The following MRPS25 variants were observed in gnomAD, a reference collection of about 807,000 sequenced individuals.
The protein encoded by MRPS25 is small ribosomal subunit protein mS25.
In MRPS25, 15 loss-of-function variants were observed where a neutral mutation model predicts 17.3. That is an observed-to-expected ratio of 0.87 (90% CI 0.58 to 1.34). The LOEUF (loss-of-function observed/expected upper bound fraction) is 1.34. Ranked by LOEUF, MRPS25 falls within the 40% of genes most tolerant of loss-of-function variation. The pLI, the probability that MRPS25 is intolerant of heterozygous loss-of-function variation, is 0.00. For synonymous variants in MRPS25, 94 were observed against 83.3 expected (o/e 1.13, Z -0.70); for missense variants, 225 against 218.6 (o/e 1.03, Z -0.19).
Position 15,050,844 on chromosome 3 carries a change from G to T in MRPS25, c.*1597C>A, listed in dbSNP as rs767086851. 2.2e-4 allele frequency: 218 copies of T among 984,882 alleles called. No homozygotes were observed. The highest frequency in any genetic ancestry group is 2.5e-4 in the Non-Finnish European group (208 of 829,890). 61.0% of individuals were successfully genotyped at this position (984,882 alleles called of 1,614,324 possible). A position where few individuals can be genotyped will look rare whatever the true frequency, so the allele number is the denominator to read the frequency against. Reference sequence around the variant, plus strand: ...TCAAACTTGAGCATCAAATGTAAAAGATCCAAATCTGCTCAATTTAATGTG... The same window carrying T: ...TCAAACTTGAGCATCAAATGTAAAATATCCAAATCTGCTCAATTTAATGTG... On this transcript the variant is annotated 3_prime_UTR_variant, in exon 4 of 4. Coordinates refer to ENST00000253686, the MANE Select transcript of MRPS25 (RefSeq NM_022497.5).
Position 15,065,196 on chromosome 3 carries a change from G to T in MRPS25, c.-2C>A. 1 of 1,594,334 alleles carries T rather than the reference G, an allele frequency of 6.3e-7. No homozygotes were observed. On this transcript the variant is annotated 5_prime_UTR_variant, in exon 1 of 4. Transcript: ENST00000253686. Reference sequence around the variant, plus strand: ...GGGGAAGCGGCCCTTCATGGGCATGGCGGCAACGGTGGCGGGGCCGACCCC... The same window carrying T: ...GGGGAAGCGGCCCTTCATGGGCATGTCGGCAACGGTGGCGGGGCCGACCCC...
chr3:15,055,901 GTTT>G (rs35247740), intron 2 of MRPS25, among the ~76,000 whole-genome samples: 3 of 142,566 alleles, frequency 2.1e-5, no homozygotes, highest in Admixed American at 7.0e-5. Context: ...AAAGCAGCCC[GTTT>G]TTTTTTTTTT....
Position 15,048,824 on chromosome 3 carries a change from C to T in MRPS25, c.*3617G>A, listed in dbSNP as rs769692572. 1 of 152,610 alleles carries T rather than the reference C, an allele frequency of 6.6e-6. No individual in the cohort carries two copies. The highest frequency in any genetic ancestry group is 2.4e-5 in the African/African-American group (1 of 41,438). The allele number at this position is 152,610 out of a possible 1,614,324, so 9.5% of individuals were successfully genotyped here. A position where few individuals can be genotyped will look rare whatever the true frequency, so the allele number is the denominator to read the frequency against. ...TAGTTTTTACCTGTAGTTTGGACTT[C>T]TCTGTTAGAATGTAACTGCATTACC... On this transcript the variant is annotated 3_prime_UTR_variant, in exon 4 of 4. Coordinates refer to ENST00000253686, the MANE Select transcript of MRPS25 (RefSeq NM_022497.5).
intron 1 of MRPS25, among the ~76,000 whole-genome samples, chr3:15,063,645 T>C (rs555611545): frequency 3.9e-5 from 6 of 152,254 alleles, no homozygotes; most frequent in East Asian, 1.9e-4. Flanking sequence ...TATCTGAGAA[T>C]GTAAGTAAGA....
At chr3:15,047,541 A>AT (rs2125122503), downstream of MRPS25, 1 of 152,344 alleles carries the variant, frequency 6.6e-6, no homozygotes, top group South Asian at 2.1e-4. Context: ...TAGCCCAGAG[A>AT]CAGGCGTCAC....
At chr3:15,061,886 G>A (rs1041819953) in intron 1 of MRPS25, among the ~76,000 whole-genome samples, 1 of 151,586 alleles carries the variant, frequency 6.6e-6, no homozygotes, top group Non-Finnish European at 1.5e-5. Context: ...GAAGGGAGGA[G>A]ACCCTCCGCC....
chr3:15,052,548 A>G lies in MRPS25; in HGVS notation c.415T>C (p.Cys139Arg), dbSNP rs1053862547. The G allele has an allele frequency of 9.3e-6, 15 of 1,613,574 alleles. No homozygotes were observed. The highest frequency in any genetic ancestry group is 1.1e-5 in the Non-Finnish European group (13 of 1,179,918). Residue 139 changes from cysteine (C) to arginine (R), a missense_variant, in exon 4 of 4, where the codon TGC becomes CGC. Physicochemically the swap from Cys to Arg is radical, Grantham distance 180. Transcript: ENST00000253686. ...FGPRKYCLRE[C>R]ICEVEGQVPC... is the part of the protein sequence containing the mutation. ...ACCTGCCCTTCCACTTCACAGATGC[A>G]CTCCCGCAGGCAGTACTTTCGAGGG...
Position 15,051,204 on chromosome 3 carries a change from G to C in MRPS25, c.*1237C>G, listed in dbSNP as rs1362414185. On this transcript the variant is annotated 3_prime_UTR_variant, in exon 4 of 4. Transcript: ENST00000253686. ...ACTTATTTAAAAAATTTTTTTTCTT[G>C]AGACAGTCTTGCTCTGTGGCCCAGG... is the stretch of plus-strand genomic sequence containing the variant. 4 of 980,512 alleles carry C rather than the reference G, an allele frequency of 4.1e-6. No individual in the cohort carries two copies. In the African/African-American group the frequency reaches 7.0e-5, roughly 17 times the overall value. The allele number at this position is 980,512 out of a possible 1,614,324, so 60.7% of individuals were successfully genotyped here.
Position 15,049,551 on chromosome 3 carries a change from TC to T in MRPS25, c.*2889del. 2 of 330,402 alleles carry T rather than the reference TC, an allele frequency of 6.1e-6. No individual in the cohort carries two copies. Among genetic ancestry groups the T allele is most frequent in the Non-Finnish European group, 1.1e-5 (2 of 182,812 alleles). 20.5% of individuals were successfully genotyped at this position (330,402 alleles called of 1,614,324 possible). On this transcript the variant is annotated 3_prime_UTR_variant, in exon 4 of 4. Coordinates refer to ENST00000253686, the MANE Select transcript of MRPS25 (RefSeq NM_022497.5). ...GAGGTAGGGAAGCCACACACATGTT[TC>T]TGGAGCAGAGCACAGTTAGGCTGCT... is the stretch of plus-strand genomic sequence containing the variant.
intron 2 of MRPS25, among the ~76,000 whole-genome samples, chr3:15,057,789 T>C (rs1045601858): frequency 6.6e-6 from 1 of 152,234 alleles, no homozygotes; most frequent in African/African-American, 2.4e-5. Context: ...TGCACCTCAA[T>C]AGTTGGTTTT....
Position 15,051,154 on chromosome 3 carries a change from A to G in MRPS25, c.*1287T>C. The G allele has an allele frequency of 1.0e-6, 1 of 985,374 alleles. No individual in the cohort carries two copies. Among genetic ancestry groups the G allele is most frequent in the Non-Finnish European group, 1.2e-6 (1 of 829,940 alleles). The allele number at this position is 985,374 out of a possible 1,614,324, so 61.0% of individuals were successfully genotyped here. ...CTGAGTTTCTAGGGGTCCGTGGTCC[A>G]ACTGGTCCTTCACTTTATAATTAAA... is the stretch of plus-strand genomic sequence containing the variant. On this transcript the variant is annotated 3_prime_UTR_variant, in exon 4 of 4. Coordinates refer to ENST00000253686, the MANE Select transcript of MRPS25 (RefSeq NM_022497.5).
rs964335338 is a variant in MRPS25 at position 15,065,142 on chromosome 3, T to C, written c.53A>G (p.Gln18Arg). The change falls in exon 1 of 4, where the codon CAG (glutamine) becomes CGG (arginine). Residue 18 changes from glutamine to arginine, a missense_variant. Transcript: ENST00000253686. Reference sequence around the variant, plus strand: ...GGAGTCCTTGAACACCACGTTCCCCTGGCTCAGATATTGCAGGGTGCGGCG... The same window carrying C: ...GGAGTCCTTGAACACCACGTTCCCCCGGCTCAGATATTGCAGGGTGCGGCG... ...PIRRTLQYLSQGNVVFKDSVK... is the reference protein window; with the variant it reads ...PIRRTLQYLSRGNVVFKDSVK... 8 of 1,609,416 alleles carry C rather than the reference T, an allele frequency of 5.0e-6. No individual in the cohort carries two copies. Among genetic ancestry groups the C allele is most frequent in the Non-Finnish European group, 6.8e-6 (8 of 1,178,034 alleles).
At chr3:15,063,059 A>G (rs999067617) in intron 1 of MRPS25, among the ~76,000 whole-genome samples, 8 of 152,094 alleles carry the variant, frequency 5.3e-5, no homozygotes, top group Non-Finnish European at 8.8e-5. Flanking sequence ...AAAAAAAAAA[A>G]AAAGAAAGTT....
At chr3:15,045,329 G>A (rs1049936929), downstream of MRPS25, 1 of 152,656 alleles carries the variant, frequency 6.6e-6, no homozygotes, top group Non-Finnish European at 1.5e-5. Flanking sequence ...TCATTCCCAG[G>A]TCATTCAGTG....
Position 15,050,016 on chromosome 3 carries a change from A to G in MRPS25, c.*2425T>C, listed in dbSNP as rs915286920. On this transcript the variant is annotated 3_prime_UTR_variant, in exon 4 of 4. Coordinates refer to ENST00000253686, the MANE Select transcript of MRPS25 (RefSeq NM_022497.5). ...AAGTAAAATTAAGAACATGTTATCA[A>G]TTATAAAATCCTCACATTTTCTCTA... 1 of 1,465,908 alleles carries G rather than the reference A, an allele frequency of 6.8e-7. No homozygotes were observed. The highest frequency in any genetic ancestry group is 1.5e-5 in the African/African-American group (1 of 68,330). 90.8% of individuals were successfully genotyped at this position (1,465,908 alleles called of 1,614,324 possible).
intron 1 of MRPS25, among the ~76,000 whole-genome samples, chr3:15,063,600 CTGTT>C (rs2125139501): frequency 6.6e-6 from 1 of 152,314 alleles, no homozygotes; most frequent in Admixed American, 6.5e-5. Context: ...CAGTGAATGG[CTGTT>C]TGTATCCCAT....
At chr3:15,043,106 T>C, downstream of MRPS25, 1 of 1,160,882 alleles carries the variant, frequency 8.6e-7, no homozygotes, top group Middle Eastern at 2.1e-4. Flanking sequence ...AATATTTCCA[T>C]ATGTTAGCCA....
downstream of MRPS25, chr3:15,045,737 C>T (rs2042427768): frequency 6.6e-6 from 1 of 152,670 alleles, no homozygotes; most frequent in South Asian, 2.1e-4. Flanking sequence ...TTTCACAGGG[C>T]TTATAGCCCT....
At chr3:15,054,202 CT>C (rs904423101) in intron 2 of MRPS25, among the ~76,000 whole-genome samples, 4 of 150,966 alleles carry the variant, frequency 2.6e-5, no homozygotes, top group Admixed American at 6.6e-5. Flanking sequence ...CAGTGTGAGA[CT>C]TTGTCTCGAA....
Sources: allele counts gnomAD v4.1 joint callset (sites outside exome capture counted in the v4.1 genomes callset), GRCh38; gene constraint gnomAD v4.1.1; transcripts MANE v1.5; gene names NCBI Gene and HGNC (gene_info 2026-07-23, HGNC 2026-07-21).